Variants in CDH18 observed in about 807,000 individuals in gnomAD.
CDH18 encodes cadherin 18.
CDH18 carries 31 observed loss-of-function variants against 67.9 expected under a neutral mutation model. That is an observed-to-expected ratio of 0.46 (90% CI 0.34 to 0.62). The LOEUF is 0.62. Among genes scored for constraint, CDH18 ranks in the 20% least tolerant of loss-of-function variants. The pLI is 0.01. For missense variants in CDH18, 890 were observed against 975.5 expected (o/e 0.91, Z 1.17); for synonymous variants, 362 against 347.2 (o/e 1.04, Z -0.48).
At chr5:19,936,444 T>A (rs1794278142) in intron 2 of CDH18, among the ~76,000 whole-genome samples, 2 of 151,398 alleles carry the variant, frequency 1.3e-5, no homozygotes, top group African/African-American at 2.4e-5. Flanking sequence ...GAATTTTATG[T>A]TTTTAAACAC....
intron 2 of CDH18, among the ~76,000 whole-genome samples, chr5:20,236,586 T>G (rs144275124): frequency 0.011 from 1,668 of 152,026 alleles, 32 homozygotes; most frequent in African/African-American, 0.038. Flanking sequence ...ATTTAAGAAT[T>G]TGGATTAAAT....
At chr5:20,396,683 A>G (rs146436153) in intron 1 of CDH18, among the ~76,000 whole-genome samples, 1,847 of 152,244 alleles carry the variant, frequency 0.012, 30 homozygotes, top group African/African-American at 0.042. Context: ...GTTAAACATC[A>G]TTTAGATGCA....
intron 2 of CDH18, among the ~76,000 whole-genome samples, chr5:20,154,619 A>T (rs1236327616): frequency 6.6e-6 from 1 of 152,094 alleles, no homozygotes; most frequent in East Asian, 1.9e-4. Context: ...TGCCTCCCTC[A>T]GTCTCTGTGC....
At chr5:19,949,728 C>T (rs969793042) in intron 2 of CDH18, among the ~76,000 whole-genome samples, 3 of 151,970 alleles carry the variant, frequency 2.0e-5, no homozygotes, top group East Asian at 1.9e-4. Flanking sequence ...ATGTATTTGG[C>T]CAGTTTTGGC....
chr5:19,591,696 C>G (rs1745166354), intron 6 of CDH18, among the ~76,000 whole-genome samples: 1 of 151,836 alleles, frequency 6.6e-6, no homozygotes, highest in Non-Finnish European at 1.5e-5. Context: ...AATGCCATAG[C>G]CTGTTTGTGA....
chr5:20,528,892 T>G (rs1320532687), intron 1 of CDH18, among the ~76,000 whole-genome samples: 1 of 151,224 alleles, frequency 6.6e-6, no homozygotes, highest in African/African-American at 2.4e-5. Flanking sequence ...ATAACCAAGT[T>G]CAGAAGAGAA....
At chr5:20,027,153 A>G (rs530104094) in intron 2 of CDH18, among the ~76,000 whole-genome samples, 212 of 152,248 alleles carry the variant, frequency 1.4e-3, no homozygotes, top group African/African-American at 4.7e-3. Flanking sequence ...TAAAAAATCA[A>G]TAATGTATGA....
At chr5:20,084,946 C>G (rs1013805033) in intron 2 of CDH18, among the ~76,000 whole-genome samples, 3 of 152,136 alleles carry the variant, frequency 2.0e-5, no homozygotes, top group African/African-American at 7.2e-5. Flanking sequence ...CTCTGACATG[C>G]CCTGGAGACA....
At chr5:20,549,185 T>C (rs1651452) in intron 1 of CDH18, among the ~76,000 whole-genome samples, 60,131 of 152,010 alleles carry the variant, frequency 0.4, 13,323 homozygotes, top group East Asian at 0.56. Flanking sequence ...TTTGCAACAG[T>C]TTATGTAGGT....
Position 20,329,706 on chromosome 5 carries a change from G to A in CDH18, c.-579-74201C>T, listed in dbSNP as rs7713074. ...AATTTCTTGAACCCCGGAGGCGGAG[G>A]TTGCAGTGAGCCAAGTTTGCGCCAC... is the stretch of plus-strand genomic sequence containing the variant. On this transcript the variant is annotated intron_variant, in intron 1 of 14. Coordinates refer to the CDH18 transcript ENST00000507958. Among the ~76,000 whole-genome samples, 621 of 138,058 alleles carry A rather than the reference G, an allele frequency of 4.5e-3. 1 individual carries two copies. The highest frequency in any genetic ancestry group is 0.016 in the African/African-American group (580 of 37,418). 90.6% of individuals were successfully genotyped at this position (138,058 alleles called of 152,430 possible).
chr5:19,793,999 C>G (rs930284195), intron 3 of CDH18, among the ~76,000 whole-genome samples: 1 of 151,806 alleles, frequency 6.6e-6, no homozygotes, highest in Non-Finnish European at 1.5e-5. Flanking sequence ...GTTGAAATAC[C>G]CTCTTGAAAA....
At chr5:19,789,622 G>A (rs988761775) in intron 3 of CDH18, among the ~76,000 whole-genome samples, 2 of 152,050 alleles carry the variant, frequency 1.3e-5, no homozygotes, top group African/African-American at 4.8e-5. Flanking sequence ...AGAATATAAA[G>A]TTGACAAATA....
chr5:19,593,785 A>G (rs193089996), intron 6 of CDH18, among the ~76,000 whole-genome samples: 186 of 118,150 alleles, frequency 1.6e-3, no homozygotes, highest in African/African-American at 5.5e-3. Context: ...GAGTTGTAGG[A>G]GTTTTATTTT....
intron 2 of CDH18, among the ~76,000 whole-genome samples, chr5:20,148,802 C>T (rs1031897985): frequency 6.6e-6 from 1 of 152,060 alleles, no homozygotes; most frequent in Non-Finnish European, 1.5e-5. Context: ...CTCAGTTTGA[C>T]AAAAGCTCTG....
At chr5:19,700,265 T>G (rs563463650) in intron 5 of CDH18, among the ~76,000 whole-genome samples, 1 of 152,266 alleles carries the variant, frequency 6.6e-6, no homozygotes, top group East Asian at 1.9e-4. Flanking sequence ...ACAACATCAA[T>G]GTGTTCAACA....
intron 1 of CDH18, among the ~76,000 whole-genome samples, chr5:20,508,324 TA>T (rs1439588692): frequency 0.029 from 41 of 1,430 alleles, no homozygotes; most frequent in African/African-American, 0.12. Context: ...TGACTATGAT[TA>T]TATATATATA....
In CDH18 at chr5:19,831,585, T is replaced by C. The variant is rs149522613; in HGVS notation, c.228+7174A>G. Among the ~76,000 whole-genome samples, 839 of 151,904 alleles carry C rather than the reference T, an allele frequency of 5.5e-3. 3 individuals are homozygous for C. The highest frequency in any genetic ancestry group is 0.011 in the South Asian group (54 of 4,806). Reference sequence around the variant, plus strand: ...TCACACCAGTCAGAATGGCTATCATTAAAAAGTTAAAAAATAATAGATGCT... The same window carrying C: ...TCACACCAGTCAGAATGGCTATCATCAAAAAGTTAAAAAATAATAGATGCT... On this transcript the variant is annotated intron_variant, in intron 3 of 12. Coordinates refer to ENST00000382275, the MANE Select transcript of CDH18 (RefSeq NM_004934.5).
intron 8 of CDH18, among the ~76,000 whole-genome samples, chr5:19,553,633 CTT>C (rs1021709184): frequency 2.4e-4 from 26 of 108,768 alleles, no homozygotes; most frequent in Middle Eastern, 6.0e-3. Context: ...TGGTCTCATA[CTT>C]TTTTTTTTTT....
In CDH18 at chr5:20,056,680, C is replaced by CTTTTTTTTTTTTTT. The variant is rs397758122; in HGVS notation, c.-517-64680_-517-64667dup. ...ATAGAGCAGTTGAGTTCTATATTCTCTTTTTTTTTTTTTTTTTTTTTTTGA... is the reference window on the plus strand; with the variant it reads ...ATAGAGCAGTTGAGTTCTATATTCTCTTTTTTTTTTTTTTTTTTTTTTTTTTTTTTTTTTTTTGA... On this transcript the variant is annotated intron_variant, in intron 2 of 14. Coordinates refer to the CDH18 transcript ENST00000507958. 1.4e-4 allele frequency among the ~76,000 whole-genome samples: 10 copies of CTTTTTTTTTTTTTT among 70,022 alleles called. 1 individual carries two copies. Among genetic ancestry groups the CTTTTTTTTTTTTTT allele is most frequent in the African/African-American group, 3.3e-4 (6 of 18,456 alleles). The allele number at this position is 70,022 out of a possible 152,430, so 45.9% of individuals were successfully genotyped here. A position where few individuals can be genotyped will look rare whatever the true frequency, so the allele number is the denominator to read the frequency against.
Sources: gnomAD v4.1 joint callset for allele counts (sites outside exome capture counted in the v4.1 genomes callset) on GRCh38, gnomAD v4.1.1 for gene constraint, MANE v1.5 for transcripts, NCBI Gene and HGNC (gene_info 2026-07-23, HGNC 2026-07-21) for gene names.